Variants in ATP6V1C2 observed in about 807,000 individuals in gnomAD.
The protein encoded by ATP6V1C2 is ATPase H+ transporting V1 subunit C2.
In ATP6V1C2, 45 loss-of-function variants were observed where a neutral mutation model predicts 56.8. The observed-to-expected ratio is 0.79, with a 90% CI of 0.62 to 1.02. The LOEUF (loss-of-function observed/expected upper bound fraction) is 1.02. ATP6V1C2 is among the 50% of genes least tolerant of loss of function. The pLI is 0.00. For missense variants in ATP6V1C2, 463 were observed against 519.7 expected (o/e 0.89, Z 1.06); for synonymous variants, 220 against 201.3 (o/e 1.09, Z -0.79).
chr2:10,772,535 C>G lies in ATP6V1C2; in HGVS notation c.570-7C>G. Reference sequence around the variant, plus strand: ...AAAAATCACGTAACGATTCTATGTTCTTGCAGACCAAACTACTCACAATGG... The same window carrying G: ...AAAAATCACGTAACGATTCTATGTTGTTGCAGACCAAACTACTCACAATGG... On this transcript the variant is annotated splice_polypyrimidine_tract_variant and splice_region_variant and intron_variant, in intron 7 of 13. Coordinates refer to ENST00000272238, the MANE Select transcript of ATP6V1C2 (RefSeq NM_001039362.2). 1 of 1,612,956 alleles carries G rather than the reference C, an allele frequency of 6.2e-7. No individual in the cohort carries two copies. Among genetic ancestry groups the G allele is most frequent in the Non-Finnish European group, 8.5e-7 (1 of 1,178,970 alleles).
At chr2:10,772,465 G>T (rs895651291) in intron 7 of ATP6V1C2, 77 bp from the exon 8 acceptor site, 36 of 1,251,698 alleles carry the variant, frequency 2.9e-5, no homozygotes, top group Admixed American at 6.7e-5. Context: ...GAAAAGGGGT[G>T]TGCAGCTTCC....
At chr2:10,734,061 A>G (rs906708885) in intron 3 of ATP6V1C2, among the ~76,000 whole-genome samples, 2 of 152,230 alleles carry the variant, frequency 1.3e-5, no homozygotes, top group African/African-American at 4.8e-5. Context: ...GAAGAATGTC[A>G]GATTGAGATG....
chr2:10,722,564 G>A (rs968699656), intron 1 of ATP6V1C2, among the ~76,000 whole-genome samples: 1 of 152,166 alleles, frequency 6.6e-6, no homozygotes, highest in Non-Finnish European at 1.5e-5. Context: ...CACTGAGGTG[G>A]AGAGAAAGAA....
At chr2:10,731,198 C>T (rs1233284091) in intron 3 of ATP6V1C2, among the ~76,000 whole-genome samples, 1 of 152,196 alleles carries the variant, frequency 6.6e-6, no homozygotes, top group Non-Finnish European at 1.5e-5. Flanking sequence ...ATCCTCCCAC[C>T]TTGGCCTCCC....
intron 7 of ATP6V1C2, among the ~76,000 whole-genome samples, chr2:10,772,303 A>G (rs1011782314): frequency 3.9e-5 from 6 of 152,120 alleles, no homozygotes; most frequent in Non-Finnish European, 5.9e-5. Flanking sequence ...GATGGTTATT[A>G]GCGAGCCCCA....
At chr2:10,761,691 T>A (rs891102100) in intron 4 of ATP6V1C2, among the ~76,000 whole-genome samples, 1 of 152,212 alleles carries the variant, frequency 6.6e-6, no homozygotes, top group African/African-American at 2.4e-5. Context: ...CATCGTCCCA[T>A]GGCCTTTCCT....
At chr2:10,737,979 C>T (rs770887335) in intron 3 of ATP6V1C2, among the ~76,000 whole-genome samples, 14 of 152,254 alleles carry the variant, frequency 9.2e-5, no homozygotes, top group East Asian at 5.8e-4. Context: ...GTGTGAGCCC[C>T]GGCGCCTGGC....
chr2:10,783,380 G>A lies in ATP6V1C2; in HGVS notation c.*117G>A. The A allele has an allele frequency of 1.6e-6, 1 of 609,310 alleles. No homozygotes were observed. Among genetic ancestry groups the A allele is most frequent in the Admixed American group, 3.5e-5 (1 of 28,886 alleles). The allele number at this position is 609,310 out of a possible 1,614,324, so 37.7% of individuals were successfully genotyped here. On this transcript the variant is annotated 3_prime_UTR_variant, in exon 14 of 14. Coordinates refer to ENST00000272238, the MANE Select transcript of ATP6V1C2 (RefSeq NM_001039362.2). ...AACTAAGATCTTTTTCAGAGAAATT[G>A]CTCACAAAAGTTAGTGACAGTTGTA...
intron 3 of ATP6V1C2, among the ~76,000 whole-genome samples, chr2:10,732,742 G>C (rs1427579679): frequency 6.6e-6 from 1 of 151,890 alleles, no homozygotes; most frequent in Non-Finnish European, 1.5e-5. Flanking sequence ...GGAGGCCGAG[G>C]CGGGTGGATC....
Position 10,722,992 on chromosome 2 carries a change from G to A in ATP6V1C2, c.129+14G>A. The A allele has an allele frequency of 6.2e-7, 1 of 1,612,982 alleles. No individual in the cohort carries two copies. The highest frequency in any genetic ancestry group is 8.5e-7 in the Non-Finnish European group (1 of 1,179,640). ...CCTGACTTCAAGGTAAAATTCTTGGGGAGGAGTGAAAAAGGGATGGATTGG... is the reference window on the plus strand; with the variant it reads ...CCTGACTTCAAGGTAAAATTCTTGGAGAGGAGTGAAAAAGGGATGGATTGG... On this transcript the variant is annotated intron_variant, in intron 2 of 13. Coordinates refer to ENST00000272238, the MANE Select transcript of ATP6V1C2 (RefSeq NM_001039362.2).
chr2:10,765,324 A>G (rs1664158972), intron 5 of ATP6V1C2, among the ~76,000 whole-genome samples: 1 of 152,200 alleles, frequency 6.6e-6, no homozygotes, highest in African/African-American at 2.4e-5. Flanking sequence ...GGTGACAAGG[A>G]CTGTGAGACT....
At chr2:10,725,489 A>T (rs1572493673) in intron 2 of ATP6V1C2, among the ~76,000 whole-genome samples, 2 of 107,156 alleles carry the variant, frequency 1.9e-5, no homozygotes, top group African/African-American at 7.5e-5. Flanking sequence ...CCCAGCAAGA[A>T]TTTTTTTTTT....
chr2:10,724,713 C>G (rs2148402535), intron 2 of ATP6V1C2, among the ~76,000 whole-genome samples: 1 of 151,196 alleles, frequency 6.6e-6, no homozygotes, highest in South Asian at 2.1e-4. Context: ...CGCTCTGTCA[C>G]CCAGGCTGGA....
chr2:10,742,394 C>T (rs1662606845), intron 3 of ATP6V1C2, among the ~76,000 whole-genome samples: 1 of 152,166 alleles, frequency 6.6e-6, no homozygotes, highest in Non-Finnish European at 1.5e-5. Context: ...CTTCCTTCTA[C>T]AAAGAAGGGA....
In ATP6V1C2 at chr2:10,773,766, C is replaced by T. The variant is rs925942101; in HGVS notation, c.639-1022C>T. Among the ~76,000 whole-genome samples, 14 of 152,362 alleles carry T rather than the reference C, an allele frequency of 9.2e-5. No homozygotes were observed. The East Asian group carries it at 1.7e-3, about 19-fold the overall frequency. ...GGTTTTAGAATGCGCGTCAGGCAGC[C>T]AGCCTGTTCATCTGACTCCCCACAC... is the stretch of plus-strand genomic sequence containing the variant. On this transcript the variant is annotated intron_variant, in intron 8 of 13. Transcript: ENST00000272238.
chr2:10,779,707 A>AAAAAAG (rs746755191), intron 12 of ATP6V1C2, among the ~76,000 whole-genome samples: 7 of 145,068 alleles, frequency 4.8e-5, no homozygotes, highest in African/African-American at 1.2e-4. Flanking sequence ...AAAAAAAAAA[A>AAAAAAG]CTTCACTGTG....
In ATP6V1C2 at chr2:10,760,807, C is replaced by T. The variant is rs1203623931; in HGVS notation, c.284-3524C>T. Among the ~76,000 whole-genome samples the T allele has an allele frequency of 2.6e-5, 4 of 152,104 alleles. No homozygotes were observed. In the East Asian group the frequency reaches 7.7e-4, roughly 29 times the overall value. ...CTTCAGATGGAAAGGGAGACCTCAG[C>T]CCTTTGGTCTGAATGCCATGAAGAC... On this transcript the variant is annotated intron_variant, in intron 4 of 13. Coordinates refer to ENST00000272238, the MANE Select transcript of ATP6V1C2 (RefSeq NM_001039362.2).
chr2:10,749,115 A>T (rs1360385441), intron 3 of ATP6V1C2, among the ~76,000 whole-genome samples: 2 of 138,900 alleles, frequency 1.4e-5, no homozygotes, highest in East Asian at 4.1e-4. Flanking sequence ...GGACAACAAG[A>T]GCAAAACTCC....
intron 2 of ATP6V1C2, among the ~76,000 whole-genome samples, chr2:10,724,808 G>A (rs1184848845): frequency 6.6e-6 from 1 of 152,014 alleles, no homozygotes; most frequent in Non-Finnish European, 1.5e-5. Flanking sequence ...CAGTAGCTGG[G>A]ATTACAGGCA....
Sources: gnomAD v4.1 joint callset for allele counts (sites outside exome capture counted in the v4.1 genomes callset) on GRCh38, gnomAD v4.1.1 for gene constraint, MANE v1.5 for transcripts, NCBI Gene and HGNC (gene_info 2026-07-23, HGNC 2026-07-21) for gene names.